Variants in PCNX1 observed in about 807,000 individuals in gnomAD.
PCNX1 encodes the protein pecanex 1.
In PCNX1, 78 loss-of-function variants were observed where a neutral mutation model predicts 242.2. That is an observed-to-expected ratio of 0.32 (90% CI 0.27 to 0.39). The LOEUF (loss-of-function observed/expected upper bound fraction) is 0.39. Ranked by LOEUF, PCNX1 falls within the 10% of genes least tolerant of loss-of-function variation. The probability of loss-of-function intolerance (pLI) is 1.00; values close to 1 mark genes in which losing one functional copy is unlikely to be tolerated. For missense variants in PCNX1, 2,581 were observed against 2,856.5 expected, an observed-to-expected ratio of 0.90 and a Z score of 2.20; for synonymous variants, 1,024 against 1,032.9, an observed-to-expected ratio of 0.99 and a Z score of 0.17.
chr14:70,917,259 T>C (rs999828481), intron 1 of PCNX1, among the ~76,000 whole-genome samples: 2 of 152,214 alleles, frequency 1.3e-5, no homozygotes, highest in African/African-American at 4.8e-5. Flanking sequence ...CCATGAATCA[T>C]GTATGTTCTT....
chr14:71,028,627 C>A, intron 15 of PCNX1, 73 bp from the exon 16 acceptor site: 1 of 840,850 alleles, frequency 1.2e-6, no homozygotes. Context: ...ATTTTAAATG[C>A]TTTTCAGTGA....
Position 71,051,815 on chromosome 14 carries a change from T to G in PCNX1, c.4448-68T>G, listed in dbSNP as rs530098550. On this transcript the variant is annotated intron_variant, in intron 23 of 35. Transcript: ENST00000304743. ...GGTAATCTAAATGTGTCTGCTAGGTTTTTGCGAGGGTTTGTTTGGCATCTG... is the reference window on the plus strand; with the variant it reads ...GGTAATCTAAATGTGTCTGCTAGGTGTTTGCGAGGGTTTGTTTGGCATCTG... 3.0e-4 allele frequency: 453 copies of G among 1,510,544 alleles called. 1 individual carries two copies. Among genetic ancestry groups the G allele is most frequent in the Non-Finnish European group, 4.0e-4 (449 of 1,112,140 alleles). The allele number at this position is 1,510,544 out of a possible 1,614,324, so 93.6% of individuals were successfully genotyped here.
intron 8 of PCNX1, among the ~76,000 whole-genome samples, chr14:70,998,053 T>A (rs1010951683): frequency 1.1e-4 from 16 of 152,214 alleles, no homozygotes; most frequent in Non-Finnish European, 2.4e-4. Context: ...TTTGTTTATA[T>A]AAAGCATACA....
At chr14:71,063,947 T>G (rs570382881) in intron 26 of PCNX1, among the ~76,000 whole-genome samples, 19 of 152,292 alleles carry the variant, frequency 1.2e-4, no homozygotes, top group African/African-American at 4.3e-4. Flanking sequence ...TTACACTTTC[T>G]TTCATGTTAA....
In PCNX1 at chr14:71,113,636, C is replaced by G. The variant is rs574756996; in HGVS notation, c.*3701C>G. On this transcript the variant is annotated 3_prime_UTR_variant, in exon 36 of 36. Coordinates refer to ENST00000304743, the MANE Select transcript of PCNX1 (RefSeq NM_014982.3). Reference sequence around the variant, plus strand: ...TGGGCCTTTTAAGCTGAAGATTCACCCAGTGTCTAAAGTTGTCCTTTTCTT... The same window carrying G: ...TGGGCCTTTTAAGCTGAAGATTCACGCAGTGTCTAAAGTTGTCCTTTTCTT... 6.6e-6 allele frequency: 1 copy of G among 152,532 alleles called. No individual in the cohort carries two copies. Among genetic ancestry groups the G allele is most frequent in the South Asian group, 2.1e-4 (1 of 4,828 alleles). The allele number at this position is 152,532 out of a possible 1,614,324, so 9.4% of individuals were successfully genotyped here. A position where few individuals can be genotyped will look rare whatever the true frequency, so the allele number is the denominator to read the frequency against.
chr14:70,934,909 T>G (rs1339012132), intron 1 of PCNX1, among the ~76,000 whole-genome samples: 8 of 152,192 alleles, frequency 5.3e-5, no homozygotes, highest in Non-Finnish European at 2.9e-5. Flanking sequence ...TGGTAATAAT[T>G]GTCAGCTGCT....
rs1028321354 is a variant in PCNX1 at position 71,073,709 on chromosome 14, C to T, written c.5017C>T (p.Leu1673=). 1.2e-6 allele frequency: 2 copies of T among 1,613,992 alleles called. No homozygotes were observed. Among genetic ancestry groups the T allele is most frequent in the Non-Finnish European group, 1.7e-6 (2 of 1,179,898 alleles). The change falls in exon 27 of 36, where the codon CTG becomes TTG. Residue 1673 remains leucine (L), a synonymous_variant. Coordinates refer to ENST00000304743, the MANE Select transcript of PCNX1 (RefSeq NM_014982.3). The part of the protein sequence containing the change: ...AWEVIVTKYI[L]EGYSITDNSA... ...GGAAGTGATAGTCACAAAGTACATT[C>T]TGGAGGGTTATAGCATCACTGATAA...
Position 71,031,648 on chromosome 14 carries a change from A to T in PCNX1, c.3559-1781A>T, listed in dbSNP as rs8021150. On this transcript the variant is annotated intron_variant, in intron 16 of 35. Coordinates refer to ENST00000304743, the MANE Select transcript of PCNX1 (RefSeq NM_014982.3). ...GCAGCTCAACAGCTCTGTGGGTGGG[A>T]CGTCTCTCACCGTCAGTAGGTCCTG... is the stretch of plus-strand genomic sequence containing the variant. 1,929 of 663,592 alleles carry T rather than the reference A, an allele frequency of 2.9e-3. 33 individuals carry two copies. In the African/African-American group the frequency reaches 0.029, roughly 10 times the overall value. The allele number at this position is 663,592 out of a possible 1,614,324, so 41.1% of individuals were successfully genotyped here.
chr14:71,032,917 G>T (rs1050688711), intron 16 of PCNX1, among the ~76,000 whole-genome samples: 1 of 152,206 alleles, frequency 6.6e-6, no homozygotes, highest in African/African-American at 2.4e-5. Context: ...GTTACTGAAT[G>T]CCTGCTCAGT....
intron 19 of PCNX1, among the ~76,000 whole-genome samples, chr14:71,039,625 G>A (rs1448570391): frequency 6.6e-5 from 10 of 152,150 alleles, no homozygotes; most frequent in Non-Finnish European, 1.5e-4. Context: ...ATATACTCAA[G>A]TACAAAAGCA....
chr14:70,987,073 C>A (rs1322514222), intron 6 of PCNX1, among the ~76,000 whole-genome samples: 4 of 152,148 alleles, frequency 2.6e-5, no homozygotes, highest in Admixed American at 2.0e-4. Context: ...ATCCTTCATC[C>A]ATTGATTGCC....
rs187327331 is a variant in PCNX1, at chr14:71,066,597, T to C, written c.4853-6948T>C. 1.9e-3 allele frequency among the ~76,000 whole-genome samples: 297 copies of C among 152,330 alleles called. 1 individual carries two copies. The highest frequency in any genetic ancestry group is 3.6e-3 in the Non-Finnish European group (248 of 68,030). ...CCTCTCTTCCTATTTAAATACCCTT[T>C]ATTTCTTTCTCTTGGCTGATTGCCC... On this transcript the variant is annotated intron_variant, in intron 26 of 35. Transcript: ENST00000304743.
intron 7 of PCNX1, among the ~76,000 whole-genome samples, chr14:70,990,396 AAAAAT>A: frequency 6.9e-6 from 1 of 143,934 alleles, no homozygotes; most frequent in South Asian, 2.2e-4. Context: ...CGTCTCTACT[AAAAAT>A]AAAAAAAAAA....
At chr14:71,050,935 G>T (rs1186811698) in intron 23 of PCNX1, among the ~76,000 whole-genome samples, 175 bp downstream of exon 23, 1 of 152,044 alleles carries the variant, frequency 6.6e-6, no homozygotes, top group African/African-American at 2.4e-5. Context: ...CTGGGAGGCC[G>T]AGGCGGGCGG....
At position 71,065,362 on chromosome 14, in the gene PCNX1, A is replaced by C. The variant is rs552570990; in HGVS notation, c.4852+7638A>C. 2.6e-5 allele frequency among the ~76,000 whole-genome samples: 4 copies of C among 152,316 alleles called. No individual in the cohort carries two copies. In the South Asian group the frequency reaches 8.3e-4, roughly 32 times the overall value. ...TGTGGTTTTGATTTGCATTTCTCTA[A>C]TGACCACTGATGATGAGCTTTTCTT... On this transcript the variant is annotated intron_variant, in intron 26 of 35. Transcript: ENST00000304743.
intron 3 of PCNX1, among the ~76,000 whole-genome samples, chr14:70,967,896 A>C (rs2058428526): frequency 6.6e-6 from 1 of 152,104 alleles, no homozygotes; most frequent in African/African-American, 2.4e-5. Context: ...TAAAAATGAT[A>C]ATTGTATGAC....
intron 3 of PCNX1, among the ~76,000 whole-genome samples, chr14:70,964,243 A>G (rs553573064): frequency 6.6e-6 from 1 of 151,966 alleles, no homozygotes; most frequent in East Asian, 1.9e-4. Flanking sequence ...ATTTTTTTGC[A>G]TTTTTAGTAG....
chr14:70,946,853 A>T (rs1303780262), intron 1 of PCNX1, 62 bp from the exon 2 acceptor site: 1 of 1,107,616 alleles, frequency 9.0e-7, no homozygotes, highest in South Asian at 1.4e-5. Flanking sequence ...ATACAGATTT[A>T]TCTAATTGAA....
In PCNX1 at chr14:71,073,474, ATG is replaced by A. The variant is rs557003834; in HGVS notation, c.4853-67_4853-66del. 7.2e-4 allele frequency: 998 copies of A among 1,385,376 alleles called. 1 individual carries two copies. Among genetic ancestry groups the A allele is most frequent in the Non-Finnish European group, 8.8e-4 (889 of 1,007,518 alleles). 85.8% of individuals were successfully genotyped at this position (1,385,376 alleles called of 1,614,324 possible). A position where few individuals can be genotyped will look rare whatever the true frequency, so the allele number is the denominator to read the frequency against. On this transcript the variant is annotated intron_variant, in intron 26 of 35. Transcript: ENST00000304743. ...AAATATGTATTTTTTTCTAAATCTTATGTGTCCTTGCATTCATTTTTCCCACT... is the reference window on the plus strand; with the variant it reads ...AAATATGTATTTTTTTCTAAATCTTATGTCCTTGCATTCATTTTTCCCACT...
Sources: allele counts gnomAD v4.1 joint callset (sites outside exome capture counted in the v4.1 genomes callset), GRCh38; gene constraint gnomAD v4.1.1; transcripts MANE v1.5; gene names NCBI Gene and HGNC (gene_info 2026-07-23, HGNC 2026-07-21).